PPP2R3A: variants seen among roughly 807,000 people sequenced by gnomAD.
The protein encoded by PPP2R3A is protein phosphatase 2 regulatory subunit B''alpha.
In PPP2R3A, 80 loss-of-function variants were observed where a neutral mutation model predicts 106.9. That is an observed-to-expected ratio of 0.75 (90% confidence interval 0.62 to 0.90). The LOEUF is 0.90. Ranked by LOEUF, PPP2R3A falls within the 40% of genes least tolerant of loss-of-function variation. The pLI, the probability that PPP2R3A is intolerant of heterozygous loss-of-function variation, is 0.00. For missense variants in PPP2R3A, 1,386 were observed against 1,350.4 expected (o/e 1.03, Z -0.41); for synonymous variants, 483 against 468.3 (o/e 1.03, Z -0.41).
chr3:136,003,142 T>A lies in PPP2R3A; in HGVS notation c.1644T>A (p.Gly548=). 1.9e-6 allele frequency: 3 copies of A among 1,613,784 alleles called. No homozygotes were observed. The highest frequency in any genetic ancestry group is 2.5e-6 in the Non-Finnish European group (3 of 1,179,860). The change falls in exon 2 of 14, where the codon GGT becomes GGA. Residue 548 remains glycine (G), a synonymous_variant. Transcript: ENST00000264977. ...TAAATAGTCACAGTCAGTTGACCGG[T>A]CAGACCCTTGTAGATCTTGAGCCTA... ...NFLNSHSQLT[G]QTLVDLEPKS... is the part of the protein sequence containing the mutation.
At chr3:136,060,135 C>T (rs890474268) in intron 5 of PPP2R3A, among the ~76,000 whole-genome samples, 34 of 152,090 alleles carry the variant, frequency 2.2e-4, no homozygotes, top group Admixed American at 1.1e-3. Context: ...GAACTTAAAA[C>T]TTAAAAAGAT....
At chr3:135,989,784 T>G (rs1246990583) in intron 1 of PPP2R3A, among the ~76,000 whole-genome samples, 2 of 152,158 alleles carry the variant, frequency 1.3e-5, no homozygotes, top group Admixed American at 6.5e-5. Flanking sequence ...CTATAAGTTG[T>G]ATACTATAGA....
At chr3:136,060,518 T>C (rs1936039662) in intron 5 of PPP2R3A, among the ~76,000 whole-genome samples, 1 of 152,142 alleles carries the variant, frequency 6.6e-6, no homozygotes. Context: ...TGAGATCTGA[T>C]TGTTTGAAAG....
chr3:136,055,205 G>T, intron 5 of PPP2R3A: 1 of 753,136 alleles, frequency 1.3e-6, no homozygotes, highest in Non-Finnish European at 2.2e-6. Context: ...GACTGTGCAA[G>T]ATAAAATTAA....
At chr3:136,020,095 T>C (rs1277667366) in intron 2 of PPP2R3A, among the ~76,000 whole-genome samples, 1 of 152,054 alleles carries the variant, frequency 6.6e-6, no homozygotes, top group Non-Finnish European at 1.5e-5. Flanking sequence ...TATAAAAATA[T>C]TTGTTGAGTA....
At chr3:136,127,347 G>A (rs559291884) in intron 13 of PPP2R3A, among the ~76,000 whole-genome samples, 2 of 152,280 alleles carry the variant, frequency 1.3e-5, no homozygotes, top group South Asian at 2.1e-4. Flanking sequence ...TGAAAACCAT[G>A]GCACAAGAAC....
In PPP2R3A at chr3:136,145,411, A is replaced by G. The variant is rs142188683; in HGVS notation, c.*245A>G. The G allele has an allele frequency of 5.8e-5, 20 of 341,882 alleles. No individual in the cohort carries two copies. The Admixed American group carries it at 9.3e-4, about 16-fold the overall frequency. 21.2% of individuals were successfully genotyped at this position (341,882 alleles called of 1,614,324 possible). A position where few individuals can be genotyped will look rare whatever the true frequency, so the allele number is the denominator to read the frequency against. On this transcript the variant is annotated 3_prime_UTR_variant, in exon 14 of 14. Coordinates refer to ENST00000264977, the MANE Select transcript of PPP2R3A (RefSeq NM_002718.5). ...AGTGGTACCATCGCCTTCCAAAGTC[A>G]GCACTCTACACTCTTGAATGTACCA...
At position 136,145,054 on chromosome 3, in the gene PPP2R3A, A is replaced by T; in HGVS notation, c.3341A>T (p.Tyr1114Phe). The T allele has an allele frequency of 1.2e-6, 2 of 1,612,040 alleles. No individual in the cohort carries two copies. Among genetic ancestry groups the T allele is most frequent in the Non-Finnish European group, 8.5e-7 (1 of 1,179,198 alleles). The change falls in exon 14 of 14, where the codon TAT becomes TTT. Residue 1114 changes from tyrosine to phenylalanine, a missense_variant. Physicochemically the swap from Tyr to Phe is conservative, Grantham distance 22 (BLOSUM62 3). Transcript: ENST00000264977. ...QAQFQEGFED[Y>F]ETDEPASPSE... ...CTTTGTTATTTCAGCTTTGAAGATT[A>T]TGAAACAGATGAACCTGCCTCTCCC...
At chr3:136,011,705 T>G (rs1934082831) in intron 2 of PPP2R3A, among the ~76,000 whole-genome samples, 1 of 152,162 alleles carries the variant, frequency 6.6e-6, no homozygotes, top group Non-Finnish European at 1.5e-5. Context: ...ATAGAGATCT[T>G]TGAATCAGTC....
At chr3:135,976,457 G>A (rs1937423588) in intron 1 of PPP2R3A, among the ~76,000 whole-genome samples, 1 of 152,212 alleles carries the variant, frequency 6.6e-6, no homozygotes, top group Admixed American at 6.5e-5. Flanking sequence ...TTTAGCATGA[G>A]AAGGAAATTT....
intron 5 of PPP2R3A, among the ~76,000 whole-genome samples, chr3:136,060,048 G>A (rs921018082): frequency 2.6e-5 from 4 of 152,154 alleles, no homozygotes; most frequent in African/African-American, 9.7e-5. Flanking sequence ...CCTAATACCT[G>A]GGTGATGAAA....
intron 5 of PPP2R3A, among the ~76,000 whole-genome samples, chr3:136,062,258 T>A (rs184242984): frequency 6.6e-6 from 1 of 152,208 alleles, no homozygotes; most frequent in African/African-American, 2.4e-5. Context: ...GAGGAATACA[T>A]GAGACCTAAG....
intron 5 of PPP2R3A, among the ~76,000 whole-genome samples, chr3:136,059,588 A>G (rs1357035725): frequency 2.0e-5 from 3 of 152,212 alleles, no homozygotes; most frequent in African/African-American, 7.2e-5. Flanking sequence ...AAAGACCTAA[A>G]GATAGAAATA....
chr3:136,019,520 A>C (rs1257020221), intron 2 of PPP2R3A, among the ~76,000 whole-genome samples: 2 of 152,148 alleles, frequency 1.3e-5, no homozygotes, highest in Non-Finnish European at 2.9e-5. Flanking sequence ...ATTTCTCTGT[A>C]GTGAAATTCC....
chr3:136,097,590 A>G (rs1937246276), intron 10 of PPP2R3A, among the ~76,000 whole-genome samples: 1 of 152,226 alleles, frequency 6.6e-6, no homozygotes, highest in Non-Finnish European at 1.5e-5. Flanking sequence ...CTTAGTTCTT[A>G]ATTGAAAATG....
At chr3:136,001,006 T>A in intron 1 of PPP2R3A, 53 bp from the exon 2 acceptor site, 1 of 395,528 alleles carries the variant, frequency 2.5e-6, no homozygotes. Flanking sequence ...AAAGAGGAAA[T>A]CAAAAGTTCC....
chr3:136,081,145 A>G lies in PPP2R3A; in HGVS notation c.2632-1120A>G, dbSNP rs557865186. Among the ~76,000 whole-genome samples, 7 of 152,122 alleles carry G rather than the reference A, an allele frequency of 4.6e-5. No homozygotes were observed. In the South Asian group the frequency reaches 1.5e-3, roughly 32 times the overall value. ...GTAGCTGGGATTACAGGCGCCTGCC[A>G]CCACACCCAGCTAATATTTGTATTT... is the stretch of plus-strand genomic sequence containing the variant. On this transcript the variant is annotated intron_variant, in intron 7 of 13. Coordinates refer to ENST00000264977, the MANE Select transcript of PPP2R3A (RefSeq NM_002718.5).
chr3:136,078,488 A>G (rs766339226), intron 7 of PPP2R3A, 35 bp downstream of exon 7: 1 of 1,273,802 alleles, frequency 7.9e-7, no homozygotes, highest in Non-Finnish European at 1.1e-6. Flanking sequence ...TGTAATGAGC[A>G]ATTTAGATAA....
chr3:136,124,749 AG>A (rs2108006385), intron 13 of PPP2R3A, among the ~76,000 whole-genome samples: 1 of 152,184 alleles, frequency 6.6e-6, no homozygotes, highest in South Asian at 2.1e-4. Context: ...TAAAAGATAA[AG>A]GTTCAGCTAA....
Sources: gnomAD v4.1 joint callset for allele counts (sites outside exome capture counted in the v4.1 genomes callset) on GRCh38, gnomAD v4.1.1 for gene constraint, MANE v1.5 for transcripts, NCBI Gene and HGNC (gene_info 2026-07-23, HGNC 2026-07-21) for gene names.